The following KCNQ5 variants were observed in gnomAD, a reference collection of about 807,000 sequenced individuals.
KCNQ5 encodes potassium voltage-gated channel subfamily KQT member 5.
KCNQ5 carries 30 observed loss-of-function variants against 98.2 expected under a neutral mutation model. The ratio of observed to expected loss-of-function variants is 0.31; its 90% CI spans 0.23 to 0.41. The LOEUF (loss-of-function observed/expected upper bound fraction) is 0.41. KCNQ5 is among the 10% of genes least tolerant of loss of function. The probability of loss-of-function intolerance (pLI) is 1.00; values close to 1 mark genes in which losing one functional copy is unlikely to be tolerated. For missense variants in KCNQ5, 835 were observed against 1,182.5 expected, an observed-to-expected ratio of 0.71 and a Z score of 4.31; for synonymous variants, 458 against 449.4, an observed-to-expected ratio of 1.02 and a Z score of -0.24.
chr6:72,984,985 T>TC (rs11402870), intron 1 of KCNQ5, among the ~76,000 whole-genome samples: 8,370 of 152,172 alleles, frequency 0.055, 786 homozygotes, highest in African/African-American at 0.19. Context: ...TGCAGGAAGA[T>TC]CACATGAAAT....
rs750934998 is a variant in KCNQ5, at chr6:73,149,190, A to G, written c.1468+15549A>G. ...AGATGGGATGAGAAGTTATGGAATGAGATGGGCATATCTGTTGTAAAATGG... is the reference window on the plus strand; with the variant it reads ...AGATGGGATGAGAAGTTATGGAATGGGATGGGCATATCTGTTGTAAAATGG... On this transcript the variant is annotated intron_variant, in intron 10 of 13. Coordinates refer to ENST00000370398, the MANE Select transcript of KCNQ5 (RefSeq NM_019842.4). Among the ~76,000 whole-genome samples, 8 of 152,336 alleles carry G rather than the reference A, an allele frequency of 5.3e-5. No homozygotes were observed. The East Asian group carries it at 1.5e-3, about 29-fold the overall frequency.
chr6:72,664,696 A>G (rs1232886757), intron 1 of KCNQ5, among the ~76,000 whole-genome samples: 1 of 151,820 alleles, frequency 6.6e-6, no homozygotes, highest in East Asian at 1.9e-4. Context: ...AACAAACAAA[A>G]AACACAAAAG....
At chr6:72,947,545 A>G (rs994482591) in intron 1 of KCNQ5, among the ~76,000 whole-genome samples, 8 of 152,180 alleles carry the variant, frequency 5.3e-5, no homozygotes, top group Admixed American at 2.0e-4. Context: ...TGAAATACCA[A>G]TGGAAGTGTT....
At chr6:72,884,621 CTT>C (rs11284300) in intron 1 of KCNQ5, among the ~76,000 whole-genome samples, 65,819 of 149,092 alleles carry the variant, frequency 0.44, 15,236 homozygotes, top group East Asian at 0.58. Flanking sequence ...GAATAAAATA[CTT>C]TTTTTTTTTT....
chr6:72,847,111 T>A (rs1777054270), intron 1 of KCNQ5, among the ~76,000 whole-genome samples: 1 of 151,842 alleles, frequency 6.6e-6, no homozygotes. Context: ...CTTAAAAAAA[T>A]AATAATAATA....
intron 2 of KCNQ5, among the ~76,000 whole-genome samples, chr6:73,036,063 A>T (rs528019759): frequency 6.6e-6 from 1 of 150,506 alleles, no homozygotes; most frequent in African/African-American, 2.5e-5. Context: ...ACTTGCAGAG[A>T]TTAGTATATC....
At chr6:73,074,255 C>A (rs192655656) in intron 3 of KCNQ5, among the ~76,000 whole-genome samples, 130 of 152,170 alleles carry the variant, frequency 8.5e-4, no homozygotes, top group African/African-American at 2.8e-3. Context: ...ATAAAGACTA[C>A]TCATAACTTG....
chr6:73,036,781 T>C (rs762604087), intron 2 of KCNQ5, among the ~76,000 whole-genome samples: 1 of 152,172 alleles, frequency 6.6e-6, no homozygotes, highest in Non-Finnish European at 1.5e-5. Flanking sequence ...TGGGGTCTGG[T>C]CATTATGAAT....
intron 7 of KCNQ5, among the ~76,000 whole-genome samples, chr6:73,114,997 G>T (rs1442659661): frequency 1.3e-5 from 2 of 152,050 alleles, no homozygotes; most frequent in Non-Finnish European, 2.9e-5. Flanking sequence ...CATCTTTTTA[G>T]TGCTCCAGTC....
At chr6:73,040,026 TA>T (rs67751274) in intron 2 of KCNQ5, among the ~76,000 whole-genome samples, 13 of 148,410 alleles carry the variant, frequency 8.8e-5, no homozygotes, top group South Asian at 2.2e-4. Context: ...CTCACCTTCT[TA>T]AAAAAAAAAG....
At position 73,197,625 on chromosome 6, in the gene KCNQ5, ACACACACACACACACACC is replaced by A. The variant is rs1765841713; in HGVS notation, c.*2213_*2230del. 1 of 106,060 alleles carries A rather than the reference ACACACACACACACACACC, an allele frequency of 9.4e-6. No homozygotes were observed. The highest frequency in any genetic ancestry group is 3.6e-5 in the African/African-American group (1 of 27,702). 6.6% of individuals were successfully genotyped at this position (106,060 alleles called of 1,614,324 possible). On this transcript the variant is annotated 3_prime_UTR_variant, in exon 14 of 14. Coordinates refer to ENST00000370398, the MANE Select transcript of KCNQ5 (RefSeq NM_019842.4). ...CACACACACACACACACACACACAC[ACACACACACACACACACC>A]CCTCCACTGACCTAAAGCCAGACAC... is the stretch of plus-strand genomic sequence containing the variant.
chr6:72,920,450 G>A (rs554973704), intron 1 of KCNQ5, among the ~76,000 whole-genome samples: 3 of 152,164 alleles, frequency 2.0e-5, no homozygotes, highest in Non-Finnish European at 4.4e-5. Flanking sequence ...GTTGGAATAC[G>A]CATCTAAGAT....
At chr6:72,810,781 G>GA (rs142297081) in intron 1 of KCNQ5, among the ~76,000 whole-genome samples, 6,105 of 151,874 alleles carry the variant, frequency 0.04, 398 homozygotes, top group African/African-American at 0.14. Context: ...GTTGAAGTCA[G>GA]AAAAAAAACT....
intron 1 of KCNQ5, among the ~76,000 whole-genome samples, chr6:72,827,883 T>C (rs992143491): frequency 2.0e-5 from 3 of 152,202 alleles, no homozygotes; most frequent in African/African-American, 7.2e-5. Context: ...AGGTCTTTGA[T>C]CCATTTTGAG....
chr6:73,127,739 A>G (rs1291230940), intron 9 of KCNQ5, among the ~76,000 whole-genome samples: 2 of 152,210 alleles, frequency 1.3e-5, no homozygotes. Flanking sequence ...AAAATGTCAC[A>G]TTATTTATGA....
rs557673868 is a variant in KCNQ5, at chr6:72,781,073, A to G, written c.398+158486A>G. Among the ~76,000 whole-genome samples the G allele has an allele frequency of 7.2e-5, 11 of 152,294 alleles. No homozygotes were observed. The South Asian group carries it at 2.3e-3, about 32-fold the overall frequency. The stretch of plus-strand genomic sequence containing the variant: ...ATGCAGAATCTCGGAATGTGATCTT[A>G]TTTGGAAATAGAGTCTTTGTGGATG... On this transcript the variant is annotated intron_variant, in intron 1 of 13. Transcript: ENST00000370398.
intron 1 of KCNQ5, among the ~76,000 whole-genome samples, chr6:72,633,286 C>T (rs1028870323): frequency 1.3e-5 from 2 of 151,958 alleles, no homozygotes; most frequent in Admixed American, 6.6e-5. Context: ...TTGTTTTTTG[C>T]TTGTTGATTT....
chr6:72,633,823 G>C (rs1014314017), intron 1 of KCNQ5, among the ~76,000 whole-genome samples: 14 of 152,314 alleles, frequency 9.2e-5, no homozygotes, highest in African/African-American at 3.4e-4. Flanking sequence ...GGGATAACTG[G>C]CTAGCCATAT....
intron 1 of KCNQ5, among the ~76,000 whole-genome samples, chr6:72,900,128 G>A (rs143078927): frequency 2.8e-4 from 42 of 152,040 alleles, no homozygotes; most frequent in African/African-American, 4.8e-4. Flanking sequence ...CAGCCACTGC[G>A]CCTGGCCTAT....
Sources: allele counts gnomAD v4.1 joint callset (sites outside exome capture counted in the v4.1 genomes callset), GRCh38; gene constraint gnomAD v4.1.1; transcripts MANE v1.5; gene names NCBI Gene and HGNC (gene_info 2026-07-23, HGNC 2026-07-21).